Variants in PCDH11X observed in about 807,000 individuals in gnomAD.
PCDH11X encodes protocadherin 11 X-linked, also known as protocadherin-11 X-linked.
Under a neutral mutation model 53.3 loss-of-function variants are expected in PCDH11X, and 18 were observed. The ratio of observed to expected loss-of-function variants is 0.34; its 90% confidence interval spans 0.23 to 0.50. The LOEUF is 0.50. Ranked by LOEUF, PCDH11X falls within the 20% of genes least tolerant of loss-of-function variation. PCDH11X has a pLI of 0.98. For synonymous variants in PCDH11X, 279 were observed against 393.3 expected (o/e 0.71, Z 3.44); for missense variants, 570 against 1,032.4 (o/e 0.55, Z 6.14).
chrX:92,172,540 C>T (rs1339696759), intron 6 of PCDH11X, among the ~76,000 whole-genome samples: 3 of 108,810 alleles, frequency 2.8e-5, no homozygotes, highest in Non-Finnish European at 5.7e-5. Flanking sequence ...TAGGTGTGTG[C>T]CACCATGCCC....
intron 9 of PCDH11X, among the ~76,000 whole-genome samples, chrX:92,391,372 C>A (rs1008946903): frequency 9.2e-6 from 1 of 108,784 alleles, no homozygotes; most frequent in Non-Finnish European, 1.9e-5. Flanking sequence ...TGGTAAAGAA[C>A]AAGTTGTGAG....
chrX:92,068,039 G>A (rs2063642049), intron 6 of PCDH11X, among the ~76,000 whole-genome samples: 1 of 109,098 alleles, frequency 9.2e-6, no homozygotes, highest in African/African-American at 3.4e-5. Context: ...ATTTATTTTT[G>A]TCTTTCCTTT....
chrX:92,553,577 A>G (rs1291015268), intron 10 of PCDH11X, among the ~76,000 whole-genome samples: 1 of 108,748 alleles, frequency 9.2e-6, no homozygotes, highest in Non-Finnish European at 1.9e-5. Context: ...ATTTATTTCT[A>G]TTCTAATCTT....
chrX:92,344,496 G>A (rs1263439453), intron 8 of PCDH11X, among the ~76,000 whole-genome samples: 9 of 102,562 alleles, frequency 8.8e-5, no homozygotes, highest in African/African-American at 3.2e-4. Context: ...AATAGATGAG[G>A]GGGATTTTGT....
chrX:92,012,091 C>A (rs1168370165), intron 6 of PCDH11X, among the ~76,000 whole-genome samples: 1 of 110,512 alleles, frequency 9.0e-6, no homozygotes, highest in Admixed American at 9.8e-5. Flanking sequence ...TAGCATATAT[C>A]CTTTGTACTT....
intron 6 of PCDH11X, among the ~76,000 whole-genome samples, chrX:92,087,549 G>A (rs760036198): frequency 3.6e-5 from 4 of 111,570 alleles, no homozygotes; most frequent in East Asian, 5.7e-4. Context: ...AGATTTCTCC[G>A]AAACAGTGCT....
chrX:92,406,410 G>T (rs1389123791), intron 9 of PCDH11X, among the ~76,000 whole-genome samples: 1 of 105,353 alleles, frequency 9.5e-6, no homozygotes, highest in East Asian at 3.5e-4. Flanking sequence ...AGACAATGCT[G>T]CAATGAATAT....
intron 8 of PCDH11X, among the ~76,000 whole-genome samples, chrX:92,303,999 A>T (rs1287585716): frequency 9.1e-6 from 1 of 110,095 alleles, no homozygotes; most frequent in Non-Finnish European, 1.9e-5. Context: ...TGGAGTGGGA[A>T]ATTCTGTCAA....
chrX:92,168,454 A>C (rs1208901502), intron 6 of PCDH11X, among the ~76,000 whole-genome samples: 4 of 110,001 alleles, frequency 3.6e-5, no homozygotes, highest in Admixed American at 9.7e-5. Flanking sequence ...GCTACTCAGG[A>C]GGCTGAGGTG....
At position 92,363,564 on chromosome X, in the gene PCDH11X, T is replaced by C. The variant is rs369812027; in HGVS notation, c.3145-24171T>C. ...AGGTTTTTTTTTTTTGAATAATCTTTAGGATTTTATACATCTAATATCATG... is the reference window on the plus strand; with the variant it reads ...AGGTTTTTTTTTTTTGAATAATCTTCAGGATTTTATACATCTAATATCATG... On this transcript the variant is annotated intron_variant, in intron 8 of 10. Transcript: ENST00000682573. Among the ~76,000 whole-genome samples, 9 of 110,066 alleles carry C rather than the reference T, an allele frequency of 8.2e-5. No homozygotes were observed. In the East Asian group the frequency reaches 1.7e-3, roughly 21 times the overall value.
At chrX:92,179,731 A>G (rs1240430474) in intron 6 of PCDH11X, among the ~76,000 whole-genome samples, 1 of 112,116 alleles carries the variant, frequency 8.9e-6, no homozygotes, top group Admixed American at 9.5e-5. Flanking sequence ...TCAAAAGGCA[A>G]TTAGAGGTAA....
intron 8 of PCDH11X, among the ~76,000 whole-genome samples, chrX:92,336,121 GA>G (rs1272404006): frequency 9.1e-6 from 1 of 110,244 alleles, no homozygotes; most frequent in African/African-American, 3.3e-5. Flanking sequence ...TATCAAAATA[GA>G]AAAAAATAAA....
At chrX:91,816,836 A>G (rs1197229182) in intron 4 of PCDH11X, among the ~76,000 whole-genome samples, 1 of 109,157 alleles carries the variant, frequency 9.2e-6, no homozygotes, top group African/African-American at 3.3e-5. Flanking sequence ...TGCATTTCTG[A>G]TATTGCATAA....
intron 9 of PCDH11X, among the ~76,000 whole-genome samples, chrX:92,397,882 TC>T (rs1006937106): frequency 4.7e-4 from 53 of 111,925 alleles, no homozygotes; most frequent in African/African-American, 1.7e-3. Flanking sequence ...TTTTCTAATT[TC>T]TCTTCCCCCA....
intron 6 of PCDH11X, among the ~76,000 whole-genome samples, chrX:91,950,362 C>G (rs976507603): frequency 9.2e-6 from 1 of 108,137 alleles, no homozygotes; most frequent in African/African-American, 3.4e-5. Flanking sequence ...TATACTTTTG[C>G]ATATCCATAG....
chrX:91,915,559 A>C (rs1941526732), intron 6 of PCDH11X, among the ~76,000 whole-genome samples: 1 of 111,409 alleles, frequency 9.0e-6, no homozygotes, highest in African/African-American at 3.3e-5. Context: ...CAGACAAAGC[A>C]GAATTTAAAG....
chrX:91,783,570 G>C (rs1013592409), intron 1 of PCDH11X, among the ~76,000 whole-genome samples: 1 of 112,022 alleles, frequency 8.9e-6, no homozygotes, highest in African/African-American at 3.2e-5. Flanking sequence ...TCAGAAAGCA[G>C]AAAATTCTTT....
At chrX:92,011,706 A>G (rs1289096636) in intron 6 of PCDH11X, among the ~76,000 whole-genome samples, 3 of 111,166 alleles carry the variant, frequency 2.7e-5, no homozygotes, top group Non-Finnish European at 3.8e-5. Context: ...CTTGCTCTAT[A>G]AGTCAAATTA....
At chrX:92,608,212 T>C (rs1355615388) in intron 10 of PCDH11X, among the ~76,000 whole-genome samples, 3 of 95,034 alleles carry the variant, frequency 3.2e-5, no homozygotes, top group Admixed American at 1.1e-4. Flanking sequence ...ATTTTTTTTT[T>C]TCTTTTCTGG....
Sources: allele counts gnomAD v4.1 joint callset (sites outside exome capture counted in the v4.1 genomes callset), GRCh38; gene constraint gnomAD v4.1.1; transcripts MANE v1.5; gene names NCBI Gene and HGNC (gene_info 2026-07-23, HGNC 2026-07-21).